MATN2: variants seen among roughly 807,000 people sequenced by gnomAD.
MATN2 encodes the protein matrilin-2.
In MATN2, 69 loss-of-function variants were observed where a neutral mutation model predicts 103.2. The ratio of observed to expected loss-of-function variants is 0.67; its 90% confidence interval spans 0.55 to 0.82. The LOEUF is 0.82. MATN2 is among the 40% of genes least tolerant of loss of function. The pLI is 0.00. For synonymous variants in MATN2, 429 were observed against 450.2 expected, an observed-to-expected ratio of 0.95 and a Z score of 0.60; for missense variants, 1,023 against 1,211.5, an observed-to-expected ratio of 0.84 and a Z score of 2.31.
rs115364236 is a variant in MATN2, at chr8:97,981,535, A to C, written c.1081+2527A>C. 9.0e-3 allele frequency among the ~76,000 whole-genome samples: 1,366 copies of C among 152,014 alleles called. 20 individuals carry two copies. Among genetic ancestry groups the C allele is most frequent in the African/African-American group, 0.03 (1,258 of 41,284 alleles). The stretch of plus-strand genomic sequence containing the variant: ...AGGGACCTTAGCCATAGCCACACTG[A>C]GTAGCTGAGTCATGGTGCCAGGAGT... On this transcript the variant is annotated intron_variant, in intron 6 of 18. Transcript: ENST00000254898.
chr8:97,929,331 G>A (rs961111016), intron 2 of MATN2, among the ~76,000 whole-genome samples: 1 of 152,158 alleles, frequency 6.6e-6, no homozygotes, highest in Non-Finnish European at 1.5e-5. Context: ...TGCAGCTGTG[G>A]TGATTAGGAT....
intron 5 of MATN2, among the ~76,000 whole-genome samples, chr8:97,963,377 G>T (rs748568738): frequency 9.9e-5 from 15 of 152,148 alleles, no homozygotes; most frequent in Admixed American, 2.6e-4. Context: ...AGAACACAGG[G>T]CTTGCATTGG....
At position 98,005,046 on chromosome 8, in the gene MATN2, AAG is replaced by A. The variant is rs1226747880; in HGVS notation, c.1327+1267_1327+1268del. 6.6e-6 allele frequency among the ~76,000 whole-genome samples: 1 copy of A among 152,178 alleles called. No homozygotes were observed. The highest frequency in any genetic ancestry group is 2.4e-5 in the African/African-American group (1 of 41,444). On this transcript the variant is annotated intron_variant, in intron 8 of 18. Coordinates refer to ENST00000254898, the MANE Select transcript of MATN2 (RefSeq NM_002380.5). This position sits in a 1 kb window ranked among gnomAD's most constrained non-coding sequence, Gnocchi z 4.6. ...GCCCCACATCTGCTCCCTTTGGAGA[AAG>A]AGATAGATTGTGAGTGAGGACAGTG...
In MATN2 at chr8:97,931,209, C is replaced by T. The variant is rs1386334283; in HGVS notation, c.399C>T (p.Gly133=). 1 of 1,613,448 alleles carries T rather than the reference C, an allele frequency of 6.2e-7. No homozygotes were observed. The highest frequency in any genetic ancestry group is 1.7e-5 in the Admixed American group (1 of 60,000). ...AGAGGATGCGGCATCTGTCCACGGG[C>T]ACCATGACTGGGCTGGCCATCCAGT... is the stretch of plus-strand genomic sequence containing the variant. The part of the protein sequence containing the change: ...AVKRMRHLST[G]TMTGLAIQYA... The change falls in exon 3 of 19, where the codon GGC becomes GGT. Residue 133 remains glycine (G), a synonymous_variant. Transcript: ENST00000254898. This position sits in a 1 kb window ranked among gnomAD's most constrained non-coding sequence, Gnocchi z 4.1.
At chr8:97,910,877 A>ACC (rs1809398491) in intron 2 of MATN2, among the ~76,000 whole-genome samples, 2 of 152,262 alleles carry the variant, frequency 1.3e-5, no homozygotes, top group South Asian at 4.1e-4. Flanking sequence ...TACAACATTT[A>ACC]GCATTATACT....
At position 97,947,080 on chromosome 8, in the gene MATN2, T is replaced by TA. The variant is rs565166520; in HGVS notation, c.835+5183dup. ...ACATTCAAAAATCAATCAATATAAT[T>TA]AATCATAGTGGCGAGGTGTGGTGGC... On this transcript the variant is annotated intron_variant, in intron 4 of 18. Coordinates refer to ENST00000254898, the MANE Select transcript of MATN2 (RefSeq NM_002380.5). Among the ~76,000 whole-genome samples the TA allele has an allele frequency of 2.3e-4, 35 of 152,274 alleles. No individual in the cohort carries two copies. The South Asian group carries it at 7.2e-3, about 32-fold the overall frequency.
intron 2 of MATN2, among the ~76,000 whole-genome samples, chr8:97,913,409 G>T (rs1038166008): frequency 6.6e-6 from 1 of 151,600 alleles, no homozygotes; most frequent in African/African-American, 2.4e-5. Context: ...CTGCCTCCCG[G>T]GTTCAAGTGA....
chr8:97,973,571 CTTT>C (rs10546662), intron 5 of MATN2, among the ~76,000 whole-genome samples: 1,245 of 118,708 alleles, frequency 0.01, 22 homozygotes, highest in African/African-American at 0.035. Flanking sequence ...ATTTACAAAT[CTTT>C]TTTTTTTTTT....
intron 5 of MATN2, among the ~76,000 whole-genome samples, chr8:97,972,665 G>T (rs1811703198): frequency 6.6e-6 from 1 of 152,166 alleles, no homozygotes; most frequent in East Asian, 1.9e-4. Flanking sequence ...AGAAATCATT[G>T]ATTTTAGGGT....
chr8:97,891,105 G>T (rs1312370412), intron 2 of MATN2, among the ~76,000 whole-genome samples: 1 of 152,136 alleles, frequency 6.6e-6, no homozygotes, highest in East Asian at 1.9e-4. Context: ...GCCGGTTGGG[G>T]GTGTGGGGGT....
At chr8:98,011,439 G>A (rs1813156987) in intron 10 of MATN2, among the ~76,000 whole-genome samples, 1 of 152,180 alleles carries the variant, frequency 6.6e-6, no homozygotes, top group African/African-American at 2.4e-5. Flanking sequence ...CGGACACATG[G>A]AGGAAAGTGA....
intron 1 of MATN2, among the ~76,000 whole-genome samples, chr8:97,884,209 T>C (rs1034179412): frequency 6.6e-6 from 1 of 151,880 alleles, no homozygotes; most frequent in African/African-American, 2.4e-5. Context: ...GGTGCAATCT[T>C]GGCTCATTGC....
At position 97,989,089 on chromosome 8, in the gene MATN2, A is replaced by T. The variant is rs191285216; in HGVS notation, c.1082-5391A>T. Among the ~76,000 whole-genome samples the T allele has an allele frequency of 7.2e-5, 11 of 152,354 alleles. No homozygotes were observed. In the East Asian group the frequency reaches 1.9e-3, roughly 27 times the overall value. ...AATATTAACATATTAAAAAGTCAAAACCATATGAGCCATCTCAATAGATGC... is the reference window on the plus strand; with the variant it reads ...AATATTAACATATTAAAAAGTCAAATCCATATGAGCCATCTCAATAGATGC... On this transcript the variant is annotated intron_variant, in intron 6 of 18. Transcript: ENST00000254898.
intron 3 of MATN2, among the ~76,000 whole-genome samples, chr8:97,935,696 T>C (rs1422894642): frequency 6.6e-6 from 1 of 151,942 alleles, no homozygotes; most frequent in Admixed American, 6.5e-5. Context: ...CTATGTTGCC[T>C]AGGCTGGTCT....
At chr8:98,020,363 C>T (rs185536228) in intron 12 of MATN2, among the ~76,000 whole-genome samples, 46 of 152,264 alleles carry the variant, frequency 3.0e-4, no homozygotes, top group African/African-American at 9.9e-4. Flanking sequence ...CCAGGCTGGT[C>T]TTGAACACCT....
intron 1 of MATN2, 92 bp from the exon 2 acceptor site, chr8:97,887,983 T>A: frequency 7.9e-7 from 1 of 1,269,734 alleles, no homozygotes; most frequent in Non-Finnish European, 1.1e-6. Flanking sequence ...GTTTGAACTC[T>A]GAAAAGGCGG....
chr8:97,985,429 T>C (rs1376405707), intron 6 of MATN2, among the ~76,000 whole-genome samples: 2 of 152,174 alleles, frequency 1.3e-5, no homozygotes, highest in Non-Finnish European at 2.9e-5. Context: ...ACATCCAAAC[T>C]GTAGCAGATA....
chr8:97,947,607 T>TA (rs545412936), intron 4 of MATN2, among the ~76,000 whole-genome samples: 5 of 152,124 alleles, frequency 3.3e-5, no homozygotes, highest in East Asian at 3.9e-4. Flanking sequence ...GAGATTAATT[T>TA]AAAAAAAACC....
At chr8:98,016,493 T>G in intron 10 of MATN2, 47 bp from the exon 11 acceptor site, 1 of 1,556,178 alleles carries the variant, frequency 6.4e-7, no homozygotes, top group Non-Finnish European at 8.7e-7. Context: ...CACTAATATA[T>G]GAGTCATTTT....
Sources: allele counts gnomAD v4.1 joint callset (sites outside exome capture counted in the v4.1 genomes callset), GRCh38; gene constraint gnomAD v4.1.1; non-coding constraint Gnocchi (gnomAD v3.1); transcripts MANE v1.5; gene names NCBI Gene and HGNC (gene_info 2026-07-23, HGNC 2026-07-21).